The following GRM7 variants were observed in gnomAD, a reference collection of about 807,000 sequenced individuals.
The protein encoded by GRM7 is metabotropic glutamate receptor 7.
A neutral mutation model predicts 84.5 loss-of-function variants in GRM7; 35 were observed. The ratio of observed to expected loss-of-function variants is 0.41; its 90% CI spans 0.32 to 0.55. The LOEUF is 0.55. Among genes scored for constraint, GRM7 ranks in the 20% least tolerant of loss-of-function variants. GRM7 has a pLI of 0.19. For synonymous variants in GRM7, 487 were observed against 455.1 expected, an observed-to-expected ratio of 1.07 and a Z score of -0.89; for missense variants, 1,003 against 1,194.6, an observed-to-expected ratio of 0.84 and a Z score of 2.36.
intron 9 of GRM7, among the ~76,000 whole-genome samples, chr3:7,702,978 C>T (rs572237276): frequency 6.6e-6 from 1 of 152,214 alleles, no homozygotes; most frequent in South Asian, 2.1e-4. Flanking sequence ...GATATTCTAT[C>T]TCTATGGTTC....
chr3:7,312,462 G>T (rs1000021716), intron 4 of GRM7, among the ~76,000 whole-genome samples: 4 of 152,276 alleles, frequency 2.6e-5, no homozygotes, highest in Admixed American at 6.5e-5. Flanking sequence ...ATGTGGGAAA[G>T]TGTCCCTGGG....
chr3:7,636,078 G>T (rs866021833), intron 8 of GRM7, among the ~76,000 whole-genome samples: 10 of 152,128 alleles, frequency 6.6e-5, no homozygotes, highest in Non-Finnish European at 1.2e-4. Context: ...GCCAATTTTA[G>T]AACAGAAATT....
chr3:7,228,295 C>T (rs1697049117), intron 2 of GRM7, among the ~76,000 whole-genome samples: 1 of 152,014 alleles, frequency 6.6e-6, no homozygotes, highest in Non-Finnish European at 1.5e-5. Context: ...AGGTAAACGG[C>T]CGTTTATTTT....
intron 4 of GRM7, among the ~76,000 whole-genome samples, chr3:7,413,620 G>C (rs551596818): frequency 1.8e-4 from 27 of 152,212 alleles, no homozygotes; most frequent in African/African-American, 6.0e-4. Context: ...CGTTTTGATT[G>C]ACTTATCCAT....
intron 4 of GRM7, among the ~76,000 whole-genome samples, chr3:7,351,338 C>CAAAA (rs1559258100): frequency 1.2e-4 from 5 of 41,390 alleles, no homozygotes; most frequent in African/African-American, 3.4e-4. Context: ...TTCCCACAGG[C>CAAAA]GAAAAAAAAA....
chr3:6,970,066 C>T (rs2125092387), intron 1 of GRM7, among the ~76,000 whole-genome samples: 1 of 152,268 alleles, frequency 6.6e-6, no homozygotes, highest in Non-Finnish European at 1.5e-5. Context: ...TGAACTGGGC[C>T]AGAGGGTACA....
At chr3:7,261,468 A>G (rs1054849960) in intron 2 of GRM7, among the ~76,000 whole-genome samples, 2 of 151,576 alleles carry the variant, frequency 1.3e-5, no homozygotes, top group Non-Finnish European at 2.9e-5. Flanking sequence ...CCATCCCTTT[A>G]CTCTCAACGT....
chr3:7,144,468 T>G (rs1694046261), intron 1 of GRM7, among the ~76,000 whole-genome samples: 1 of 152,170 alleles, frequency 6.6e-6, no homozygotes, highest in Non-Finnish European at 1.5e-5. Flanking sequence ...TAAAAACATT[T>G]TATTGCCATA....
chr3:6,929,366 C>T (rs1471900922), intron 1 of GRM7, among the ~76,000 whole-genome samples: 1 of 152,142 alleles, frequency 6.6e-6, no homozygotes, highest in Non-Finnish European at 1.5e-5. Context: ...GGAATATCTA[C>T]TGGAGACAGC....
intron 5 of GRM7, among the ~76,000 whole-genome samples, chr3:7,451,560 C>T (rs904950176): frequency 2.0e-5 from 3 of 152,118 alleles, no homozygotes; most frequent in African/African-American, 7.2e-5. Context: ...AGAGGGTAGG[C>T]AGGGTCCAGG....
intron 7 of GRM7, among the ~76,000 whole-genome samples, chr3:7,563,168 T>C (rs1694102114): frequency 6.6e-6 from 1 of 152,166 alleles, no homozygotes; most frequent in Admixed American, 6.5e-5. Flanking sequence ...GCTGAGCTGG[T>C]TAGAAAAGAA....
chr3:7,345,429 G>A (rs1481361118), intron 4 of GRM7, among the ~76,000 whole-genome samples: 2 of 151,932 alleles, frequency 1.3e-5, no homozygotes, highest in South Asian at 2.1e-4. Flanking sequence ...ACAGGCACCC[G>A]CCACCATGCC....
At chr3:7,454,676 A>G (rs959587133) in intron 6 of GRM7, among the ~76,000 whole-genome samples, 20 of 152,118 alleles carry the variant, frequency 1.3e-4, no homozygotes, top group African/African-American at 4.8e-4. Flanking sequence ...ATTGCGGATA[A>G]TGAGAGCCAG....
At chr3:7,499,227 C>T (rs972258945) in intron 7 of GRM7, among the ~76,000 whole-genome samples, 3 of 152,122 alleles carry the variant, frequency 2.0e-5, no homozygotes, top group South Asian at 4.1e-4. Flanking sequence ...CACTTGCAGG[C>T]ACCCAGAAAG....
At chr3:7,419,207 T>G (rs1696295749) in intron 5 of GRM7, among the ~76,000 whole-genome samples, 1 of 152,124 alleles carries the variant, frequency 6.6e-6, no homozygotes, top group Non-Finnish European at 1.5e-5. Flanking sequence ...ATATTGAGTA[T>G]CAAAGAGTTT....
chr3:7,351,123 T>A (rs1693121925), intron 4 of GRM7, among the ~76,000 whole-genome samples: 1 of 152,054 alleles, frequency 6.6e-6, no homozygotes, highest in South Asian at 2.1e-4. Flanking sequence ...ATATTTGTCT[T>A]CTCTCATAGA....
At chr3:7,229,780 A>G (rs1697127485) in intron 2 of GRM7, among the ~76,000 whole-genome samples, 1 of 79,364 alleles carries the variant, frequency 1.3e-5, no homozygotes, top group Admixed American at 1.6e-4. Flanking sequence ...TTTTTGGTTG[A>G]CAGGTGTTGA....
chr3:7,639,941 A>AATG (rs1276722525), intron 8 of GRM7, among the ~76,000 whole-genome samples: 1 of 152,188 alleles, frequency 6.6e-6, no homozygotes, highest in Non-Finnish European at 1.5e-5. Flanking sequence ...CATATGAATG[A>AATG]AATCATTCAG....
At chr3:7,485,464 A>G (rs1699285887) in intron 7 of GRM7, among the ~76,000 whole-genome samples, 2 of 152,208 alleles carry the variant, frequency 1.3e-5, no homozygotes, top group Non-Finnish European at 2.9e-5. Flanking sequence ...CTAATACCAC[A>G]AGTCCCTAAG....
Sources: allele counts gnomAD v4.1 joint callset (sites outside exome capture counted in the v4.1 genomes callset), GRCh38; gene constraint gnomAD v4.1.1; transcripts MANE v1.5; gene names NCBI Gene and HGNC (gene_info 2026-07-23, HGNC 2026-07-21).